Variants in RTTN observed in about 807,000 individuals in gnomAD.
RTTN encodes rotatin.
In RTTN, 182 loss-of-function variants were observed where a neutral mutation model predicts 269.2. That is an observed-to-expected ratio of 0.68 (90% CI 0.60 to 0.76). The LOEUF is 0.76. RTTN is among the 30% of genes least tolerant of loss of function. RTTN has a pLI of 0.00. For missense variants in RTTN, 2,545 were observed against 2,608.6 expected (o/e 0.98, Z 0.53); for synonymous variants, 1,006 against 963.5 (o/e 1.04, Z -0.82).
At chr18:70,039,473 T>G (rs7230358) in intron 40 of RTTN, among the ~76,000 whole-genome samples, 115,525 of 152,034 alleles carry the variant, frequency 0.76, 51,313 homozygotes, top group East Asian at 1. Flanking sequence ...AAACTATCCT[T>G]CAAGTATGAA....
At chr18:70,067,411 T>G (rs111269433) in intron 34 of RTTN, among the ~76,000 whole-genome samples, 1,896 of 152,218 alleles carry the variant, frequency 0.012, 22 homozygotes, top group Non-Finnish European at 0.02. Flanking sequence ...CGCCCGCCTC[T>G]GCCTCCCAAA....
intron 32 of RTTN, 98 bp from the exon 33 acceptor site, chr18:70,075,639 A>G: frequency 1.1e-6 from 1 of 894,870 alleles, no homozygotes; most frequent in Non-Finnish European, 1.6e-6. Context: ...AATGGGTCCC[A>G]GATGCTCCCA....
In RTTN at chr18:70,200,603, C is replaced by A. The variant is rs187623207; in HGVS notation, c.488-1099G>T. 4.3e-3 allele frequency among the ~76,000 whole-genome samples: 649 copies of A among 152,330 alleles called. 2 individuals carry two copies. The highest frequency in any genetic ancestry group is 7.1e-3 in the Non-Finnish European group (482 of 68,022). On this transcript the variant is annotated intron_variant, in intron 4 of 48. Coordinates refer to ENST00000640769, the MANE Select transcript of RTTN (RefSeq NM_173630.4). ...CTAATGGCTTAACAAGTTTTCAGTT[C>A]TTTCTTGTTATTCCACCTGTGAGTT...
intron 46 of RTTN, among the ~76,000 whole-genome samples, chr18:70,011,061 A>G (rs576635757): frequency 1.3e-5 from 2 of 152,326 alleles, no homozygotes; most frequent in South Asian, 2.1e-4. Flanking sequence ...CCCTGAATAG[A>G]TCAATAACAA....
At chr18:70,080,628 A>C (rs1164522406) in intron 32 of RTTN, among the ~76,000 whole-genome samples, 1 of 152,166 alleles carries the variant, frequency 6.6e-6, no homozygotes, top group Non-Finnish European at 1.5e-5. Flanking sequence ...ACATAGAAAG[A>C]AATGATGGAG....
chr18:70,092,995 G>T (rs1328250759), intron 28 of RTTN, among the ~76,000 whole-genome samples, 191 bp from the exon 29 acceptor site: 1 of 152,058 alleles, frequency 6.6e-6, no homozygotes, highest in Admixed American at 6.5e-5. Context: ...ATTGTTAAAA[G>T]AAAATATTCT....
In RTTN at chr18:70,204,195, A is replaced by G. The variant is rs1263148165; in HGVS notation, c.288T>C (p.Asn96=). The part of the protein sequence containing the change: ...AVEFLSKLRS[N]VEPNLQAEID... ...TTTCAGCCTGCAGATTTGGCTCCAC[A>G]TTAGACCGAAGCTTAGATAAGAACT... Residue 96 remains asparagine, a synonymous_variant, in exon 3 of 49, where the codon AAT becomes AAC. Transcript: ENST00000640769. 4 of 1,614,164 alleles carry G rather than the reference A, an allele frequency of 2.5e-6. No homozygotes were observed. Among genetic ancestry groups the G allele is most frequent in the Middle Eastern group, 1.6e-4 (1 of 6,062 alleles).
chr18:70,072,422 CTTCT>C (rs1325283991), intron 34 of RTTN, among the ~76,000 whole-genome samples: 3 of 152,048 alleles, frequency 2.0e-5, no homozygotes, highest in Admixed American at 6.6e-5. Flanking sequence ...AATTGGGGTG[CTTCT>C]TTCTTTAATA....
chr18:70,014,790 C>G (rs1210383900), intron 46 of RTTN, among the ~76,000 whole-genome samples: 2 of 152,000 alleles, frequency 1.3e-5, no homozygotes, highest in Middle Eastern at 3.2e-3. Flanking sequence ...GCAGGATAGC[C>G]AGTAAGAATC....
chr18:70,016,424 G>A (rs1411338591), intron 46 of RTTN, among the ~76,000 whole-genome samples: 2 of 152,136 alleles, frequency 1.3e-5, no homozygotes, highest in African/African-American at 4.8e-5. Context: ...TTCTTTTATA[G>A]ATGAAGAAGC....
intron 18 of RTTN, 69 bp from the exon 19 acceptor site, chr18:70,142,456 T>C (rs2060283616): frequency 8.9e-6 from 8 of 900,284 alleles, no homozygotes; most frequent in South Asian, 8.8e-5. Context: ...TAAGATTTTA[T>C]AGTTTGTGCC....
At chr18:70,093,259 TA>T (rs57211704) in intron 28 of RTTN, among the ~76,000 whole-genome samples, 7,472 of 147,788 alleles carry the variant, frequency 0.051, 528 homozygotes, top group African/African-American at 0.16. Flanking sequence ...TTAAAGTCTG[TA>T]AAAAAAAAAA....
At chr18:70,133,296 G>A (rs2060042347) in intron 23 of RTTN, among the ~76,000 whole-genome samples, 2 of 152,128 alleles carry the variant, frequency 1.3e-5, no homozygotes, top group South Asian at 4.1e-4. Context: ...AAAGGCTAGT[G>A]AGGATGTGGG....
At position 70,127,504 on chromosome 18, in the gene RTTN, G is replaced by A; in HGVS notation, c.3381C>T (p.Asn1127=). Reference sequence around the variant, plus strand: ...GGCAGCCTTGACCTTACACTGACCTGTTTAGTGCGGTGTGCCAAGCCAAGG... The same window carrying A: ...GGCAGCCTTGACCTTACACTGACCTATTTAGTGCGGTGTGCCAAGCCAAGG... ...LKSLAWHTAL[N]RFLQVLPACT... is the part of the protein sequence containing the mutation. The change falls in exon 25 of 49, where the codon AAC becomes AAT. Residue 1127 remains asparagine (N), a splice_region_variant and synonymous_variant. Coordinates refer to ENST00000640769, the MANE Select transcript of RTTN (RefSeq NM_173630.4). 1.2e-6 allele frequency: 2 copies of A among 1,613,228 alleles called. No homozygotes were observed. Among genetic ancestry groups the A allele is most frequent in the Non-Finnish European group, 1.7e-6 (2 of 1,179,532 alleles).
chr18:70,192,873 A>T (rs1225723236), intron 8 of RTTN: 3 of 154,856 alleles, frequency 1.9e-5, no homozygotes, highest in African/African-American at 7.2e-5. Flanking sequence ...TATTCTTTTA[A>T]ACTTGATCAT....
intron 32 of RTTN, among the ~76,000 whole-genome samples, chr18:70,077,207 A>T (rs1195876484): frequency 6.6e-6 from 1 of 151,984 alleles, no homozygotes; most frequent in Non-Finnish European, 1.5e-5. Flanking sequence ...AGAACCACTT[A>T]AAAATATTTT....
chr18:70,168,544 T>G (rs183825179), intron 12 of RTTN, among the ~76,000 whole-genome samples: 1 of 152,316 alleles, frequency 6.6e-6, no homozygotes, highest in East Asian at 1.9e-4. Context: ...TGTCATTCAG[T>G]TCATATCAGT....
At chr18:70,069,573 TTC>T (rs1318251042) in intron 34 of RTTN, among the ~76,000 whole-genome samples, 2 of 152,184 alleles carry the variant, frequency 1.3e-5, no homozygotes, top group Non-Finnish European at 2.9e-5. Flanking sequence ...AAAAAACAAT[TTC>T]TGTCATATAA....
At position 70,092,718 on chromosome 18, in the gene RTTN, C is replaced by A; in HGVS notation, c.3990G>T (p.Leu1330Phe). ...KGVTKSTILC[L>F]LHLSHEMMAQ... ...CCATCATCTCATGGGATAAGTGAAG[C>A]AAGCAAAGAATTGTGCTCTTTGTAA... The change falls in exon 29 of 49, where the codon TTG (leucine) becomes TTT (phenylalanine). Residue 1330 changes from leucine (L) to phenylalanine (F), a missense_variant. Transcript: ENST00000640769. 1 of 1,613,624 alleles carries A rather than the reference C, an allele frequency of 6.2e-7. No individual in the cohort carries two copies. Among genetic ancestry groups the A allele is most frequent in the South Asian group, 1.1e-5 (1 of 90,996 alleles).
Sources: gnomAD v4.1 joint callset for allele counts (sites outside exome capture counted in the v4.1 genomes callset) on GRCh38, gnomAD v4.1.1 for gene constraint, MANE v1.5 for transcripts, NCBI Gene and HGNC (gene_info 2026-07-23, HGNC 2026-07-21) for gene names.